Variants in CELF2 observed in about 807,000 individuals in gnomAD.
CELF2 encodes the protein CUGBP Elav-like family member 2.
A neutral mutation model predicts 62.6 loss-of-function variants in CELF2; 8 were observed. That is an observed-to-expected ratio of 0.13 (90% confidence interval 0.07 to 0.23). The LOEUF (loss-of-function observed/expected upper bound fraction) is 0.23. Ranked by LOEUF, CELF2 falls within the 10% of genes least tolerant of loss-of-function variation. The pLI is 1.00. For missense variants in CELF2, 333 were observed against 671.0 expected (o/e 0.50, Z 5.56); for synonymous variants, 258 against 250.0 (o/e 1.03, Z -0.30).
At chr10:10,713,902 G>C in the CELF2 span, among the ~76,000 whole-genome samples, 1 of 152,150 alleles carries the variant, frequency 6.6e-6, no homozygotes, top group Non-Finnish European at 1.5e-5. Flanking sequence ...GGGTGTGGCG[G>C]CACGTGTCTG....
At chr10:11,123,242 T>C (rs976137909) in intron 1 of CELF2, among the ~76,000 whole-genome samples, 1 of 151,994 alleles carries the variant, frequency 6.6e-6, no homozygotes, top group African/African-American at 2.4e-5. Context: ...GGGTTTGTTT[T>C]TTGTTTGATT....
chr10:10,597,815 A>G, the CELF2 span, among the ~76,000 whole-genome samples: 1 of 152,232 alleles, frequency 6.6e-6, no homozygotes, highest in Non-Finnish European at 1.5e-5. Context: ...ACACTTGACT[A>G]TAGATAAAGC....
the CELF2 span, among the ~76,000 whole-genome samples, chr10:10,755,189 T>C: frequency 1.3e-5 from 2 of 152,200 alleles, no homozygotes; most frequent in Admixed American, 1.3e-4. Flanking sequence ...AAAGAATTCC[T>C]AGGTAATTAA....
At chr10:11,225,411 C>T (rs187406133) in intron 3 of CELF2, among the ~76,000 whole-genome samples, 1 of 152,210 alleles carries the variant, frequency 6.6e-6, no homozygotes, top group African/African-American at 2.4e-5. Context: ...TCCAATCTTG[C>T]AAAACTCTTC....
chr10:11,094,092 TA>T (rs1448843124), intron 1 of CELF2, among the ~76,000 whole-genome samples: 6 of 152,228 alleles, frequency 3.9e-5, no homozygotes, highest in Non-Finnish European at 7.3e-5. Context: ...CAGGCCAGTT[TA>T]TAAAGCCACT....
intron 10 of CELF2, chr10:11,317,163 A>C (rs971893139): frequency 1.4e-5 from 2 of 140,546 alleles, no homozygotes; most frequent in Non-Finnish European, 3.1e-5. Context: ...ATAGTGCTTA[A>C]AATTATGATT....
chr10:11,120,647 A>G (rs1386362187), intron 1 of CELF2, among the ~76,000 whole-genome samples: 2 of 152,146 alleles, frequency 1.3e-5, no homozygotes, highest in Non-Finnish European at 2.9e-5. Context: ...ACTGCATTCA[A>G]CTGTGAAACC....
the CELF2 span, among the ~76,000 whole-genome samples, chr10:10,692,283 T>C: frequency 5.2e-3 from 778 of 150,928 alleles, 1 homozygote; most frequent in African/African-American, 6.6e-3. Flanking sequence ...CCCCATTGCT[T>C]GTTTTTCTCA....
the CELF2 span, among the ~76,000 whole-genome samples, chr10:10,687,471 G>C: frequency 1.3e-5 from 2 of 152,126 alleles, no homozygotes; most frequent in African/African-American, 4.8e-5. Flanking sequence ...GTTCTATACT[G>C]AGAACACAAG....
chr10:10,550,535 C>T, the CELF2 span, among the ~76,000 whole-genome samples: 1 of 152,040 alleles, frequency 6.6e-6, no homozygotes, highest in Non-Finnish European at 1.5e-5. Context: ...ATCTGTCTCC[C>T]AGAGCTGAGG....
At chr10:10,714,002 T>C in the CELF2 span, among the ~76,000 whole-genome samples, 1 of 151,992 alleles carries the variant, frequency 6.6e-6, no homozygotes, top group African/African-American at 2.4e-5. Context: ...ATCGCCGCAC[T>C]CCAGCCTGGG....
the CELF2 span, among the ~76,000 whole-genome samples, chr10:10,614,623 C>T: frequency 1.3e-5 from 2 of 152,110 alleles, no homozygotes; most frequent in Non-Finnish European, 2.9e-5. Context: ...GTTGCTTATT[C>T]GCAAATAAAA....
At position 11,336,525 on chromosome 10, in the gene CELF2, T is replaced by C. The variant is rs1397525485; in HGVS notation, c.*7472T>C. ...TAAAGCTTAAGAAAGGACTCTGTTG[T>C]GTGTAAAGTTAATGTGATTATTTTT... On this transcript the variant is annotated 3_prime_UTR_variant, in exon 13 of 13. Coordinates refer to ENST00000633077, the MANE Select transcript of CELF2 (RefSeq NM_001326342.2). This position sits in a 1 kb window ranked among gnomAD's most constrained non-coding sequence, Gnocchi z 5.4. The C allele has an allele frequency of 6.6e-6, 1 of 152,668 alleles. No individual in the cohort carries two copies. The highest frequency in any genetic ancestry group is 2.4e-5 in the African/African-American group (1 of 41,450). The allele number at this position is 152,668 out of a possible 1,614,324, so 9.5% of individuals were successfully genotyped here.
chr10:10,787,793 T>C, the CELF2 span, among the ~76,000 whole-genome samples: 1 of 152,170 alleles, frequency 6.6e-6, no homozygotes, highest in African/African-American at 2.4e-5. Context: ...TATATTCCCC[T>C]TTCTTTTTTT....
At chr10:10,840,973 A>G (rs1344173089) in intron 1 of CELF2, among the ~76,000 whole-genome samples, 1 of 152,156 alleles carries the variant, frequency 6.6e-6, no homozygotes, top group Admixed American at 6.5e-5. Flanking sequence ...TAGTTTGCTG[A>G]GAATGATGGC....
At chr10:11,205,938 T>C (rs540160466) in intron 2 of CELF2, among the ~76,000 whole-genome samples, 1 of 152,328 alleles carries the variant, frequency 6.6e-6, no homozygotes, top group African/African-American at 2.4e-5. Context: ...TGGATTTCTA[T>C]AGCCAAAGGG....
At chr10:10,793,643 T>C (rs1467811127), upstream of CELF2, among the ~76,000 whole-genome samples, 2 of 152,210 alleles carry the variant, frequency 1.3e-5, no homozygotes, top group Non-Finnish European at 2.9e-5. Flanking sequence ...GAAGACCGTA[T>C]GGAATTCCCT....
At chr10:10,666,780 T>G in the CELF2 span, among the ~76,000 whole-genome samples, 34,286 of 100,998 alleles carry the variant, frequency 0.34, 9,692 homozygotes, top group Middle Eastern at 0.43. Context: ...GAGAATGGCG[T>G]GAACCCGGGA....
rs529585719 is a variant in CELF2, at chr10:10,822,010, G to C, written c.53+23193G>C. On this transcript the variant is annotated intron_variant, in intron 1 of 13. Coordinates refer to the CELF2 transcript ENST00000636488. ...TTGGGGCATCGGTGGCCAACAGGAA[G>C]TGGATGTTTTGAGCTGGCACACAGA... Among the ~76,000 whole-genome samples, 9 of 152,282 alleles carry C rather than the reference G, an allele frequency of 5.9e-5. No individual in the cohort carries two copies. In the South Asian group the frequency reaches 1.9e-3, roughly 32 times the overall value.
Sources: gnomAD v4.1 joint callset for allele counts (sites outside exome capture counted in the v4.1 genomes callset) on GRCh38, gnomAD v4.1.1 for gene constraint, Gnocchi (gnomAD v3.1) non-coding constraint, MANE v1.5 for transcripts, NCBI Gene and HGNC (gene_info 2026-07-23, HGNC 2026-07-21) for gene names.